Variants in RBFOX1 observed in about 807,000 individuals in gnomAD.
RBFOX1 encodes RNA binding protein fox-1 homolog 1.
A neutral mutation model predicts 57.7 loss-of-function variants in RBFOX1; 8 were observed. The ratio of observed to expected loss-of-function variants is 0.14; its 90% confidence interval spans 0.08 to 0.25. RBFOX1 has a LOEUF of 0.25. RBFOX1 is among the 10% of genes least tolerant of loss of function. The pLI, the probability that RBFOX1 is intolerant of heterozygous loss-of-function variation, is 1.00. For missense variants in RBFOX1, 611 were observed against 548.5 expected (o/e 1.11, Z -1.14); for synonymous variants, 326 against 222.4 (o/e 1.47, Z -4.15).
intron 4 of RBFOX1, among the ~76,000 whole-genome samples, chr16:7,262,860 T>C (rs2094972556): frequency 6.6e-6 from 1 of 152,244 alleles, no homozygotes; most frequent in African/African-American, 2.4e-5. Context: ...GGATCATAGA[T>C]AGGACAAGAG....
At chr16:6,881,527 C>T (rs2062930683) in intron 3 of RBFOX1, among the ~76,000 whole-genome samples, 1 of 152,286 alleles carries the variant, frequency 6.6e-6, no homozygotes, top group African/African-American at 2.4e-5. Context: ...CATCTTCCGT[C>T]TATGCATGTC....
rs77964958 is a variant in RBFOX1, at chr16:6,686,645, C to T, written c.-16+31995C>T. The stretch of plus-strand genomic sequence containing the variant: ...TCCCCCGAAAGCACAGGTATCTCTC[C>T]TTGTCCTTTTGAGACACAAAGGTAA... On this transcript the variant is annotated intron_variant, in intron 3 of 15. Transcript: ENST00000550418. 5.0e-3 allele frequency among the ~76,000 whole-genome samples: 759 copies of T among 152,232 alleles called. 8 individuals are homozygous for T. The highest frequency in any genetic ancestry group is 0.017 in the African/African-American group (720 of 41,540).
At chr16:6,497,426 T>A (rs943121665) in intron 2 of RBFOX1, among the ~76,000 whole-genome samples, 1 of 152,160 alleles carries the variant, frequency 6.6e-6, no homozygotes. Flanking sequence ...TAGTCACTTC[T>A]CAAGGCCCAG....
At chr16:6,331,547 A>T (rs801997) in intron 2 of RBFOX1, among the ~76,000 whole-genome samples, 1 of 148,124 alleles carries the variant, frequency 6.8e-6, no homozygotes, top group African/African-American at 2.5e-5. Context: ...CTCTCTCTCT[A>T]TATATATATA....
chr16:6,568,032 G>C (rs565591711), intron 2 of RBFOX1, among the ~76,000 whole-genome samples: 2 of 152,206 alleles, frequency 1.3e-5, no homozygotes, highest in African/African-American at 2.4e-5. Context: ...ATGTTGAACA[G>C]GCTGGCCTTG....
chr16:6,411,190 C>T lies in RBFOX1; in HGVS notation c.-64+94133C>T, dbSNP rs574626217. Among the ~76,000 whole-genome samples the T allele has an allele frequency of 2.8e-4, 43 of 152,214 alleles. 1 individual carries two copies. The South Asian group carries it at 4.8e-3, about 17-fold the overall frequency. ...TAGAGGTGGAGTCTTGCAAAGTGGT[C>T]CAAGTTGGTCTTGAACCCCTGGGGC... On this transcript the variant is annotated intron_variant, in intron 2 of 15. Coordinates refer to ENST00000550418, the MANE Select transcript of RBFOX1 (RefSeq NM_018723.4).
intron 2 of RBFOX1, among the ~76,000 whole-genome samples, chr16:6,450,801 G>GTATA (rs1186562440): frequency 0.023 from 371 of 16,442 alleles, 32 homozygotes; most frequent in African/African-American, 0.083. Context: ...ATATATATAT[G>GTATA]TATATATATA....
intron 3 of RBFOX1, among the ~76,000 whole-genome samples, chr16:6,992,542 C>G (rs1248274573): frequency 6.6e-6 from 1 of 151,978 alleles, no homozygotes; most frequent in Non-Finnish European, 1.5e-5. Context: ...CTTGTTCATC[C>G]CTTCCAAGGT....
At chr16:7,004,139 A>G (rs1365993860) in intron 3 of RBFOX1, 1 of 152,106 alleles carries the variant, frequency 6.6e-6, no homozygotes, top group African/African-American at 2.4e-5. Flanking sequence ...TTTGTACTTA[A>G]TAGAGCATCT....
intron 2 of RBFOX1, among the ~76,000 whole-genome samples, chr16:6,582,192 T>G (rs2097545735): frequency 6.6e-6 from 1 of 152,208 alleles, no homozygotes. Context: ...ATAGTAAAAA[T>G]TTCCAAAGAA....
chr16:6,543,402 C>A (rs1187153796), intron 2 of RBFOX1, among the ~76,000 whole-genome samples: 3 of 152,096 alleles, frequency 2.0e-5, no homozygotes, highest in African/African-American at 7.2e-5. Context: ...TGAGACTCTG[C>A]GCACCTTTAT....
At chr16:6,454,203 C>G (rs915445558) in intron 2 of RBFOX1, among the ~76,000 whole-genome samples, 22 of 152,286 alleles carry the variant, frequency 1.4e-4, no homozygotes, top group African/African-American at 5.3e-4. Context: ...GGGGTTAAGG[C>G]TTCAATATAT....
At chr16:7,499,120 G>A (rs2069733225) in intron 4 of RBFOX1, among the ~76,000 whole-genome samples, 1 of 152,148 alleles carries the variant, frequency 6.6e-6, no homozygotes, top group Non-Finnish European at 1.5e-5. Flanking sequence ...AAATTTACTG[G>A]CTCACAGTTC....
chr16:7,176,236 T>TTTTTTTTTTTTTTTTG (rs1555534123), intron 4 of RBFOX1, among the ~76,000 whole-genome samples: 2 of 150,714 alleles, frequency 1.3e-5, no homozygotes, highest in African/African-American at 4.9e-5. Flanking sequence ...TCTTGGTTCT[T>TTTTTTTTTTTTTTTTG]AAAATCATGG....
rs1312626033 is a variant in RBFOX1 at position 5,436,389 on chromosome 16, C to T, written c.220-30827C>T. Among the ~76,000 whole-genome samples the T allele has an allele frequency of 3.9e-5, 6 of 152,220 alleles. No individual in the cohort carries two copies. The East Asian group carries it at 7.7e-4, about 20-fold the overall frequency. ...AGAAAACCACCATCACTCTGCATGG[C>T]TGAGTGATTTACACTCATACAAAGC... is the stretch of plus-strand genomic sequence containing the variant. On this transcript the variant is annotated intron_variant, in intron 1 of 2. Coordinates refer to the RBFOX1 transcript ENST00000585867.
chr16:5,718,733 C>T (rs970915736), intron 3 of RBFOX1, among the ~76,000 whole-genome samples: 1 of 152,090 alleles, frequency 6.6e-6, no homozygotes, highest in Non-Finnish European at 1.5e-5. Context: ...ATGGTGGAAT[C>T]CCATCTCTAA....
At chr16:6,333,145 T>A (rs915849724) in intron 2 of RBFOX1, among the ~76,000 whole-genome samples, 1 of 152,152 alleles carries the variant, frequency 6.6e-6, no homozygotes, top group Non-Finnish European at 1.5e-5. Context: ...GCTCAAGCAA[T>A]TCTCCTGACT....
intron 2 of RBFOX1, among the ~76,000 whole-genome samples, chr16:6,607,538 C>G (rs902409903): frequency 6.7e-6 from 1 of 149,744 alleles, no homozygotes; most frequent in African/African-American, 2.5e-5. Flanking sequence ...TCCTCTCCCT[C>G]TTTCTTCCTC....
Position 5,440,188 on chromosome 16 carries a change from T to G in RBFOX1, c.220-27028T>G, listed in dbSNP as rs528094602. ...AGCATTGTGCAAATGCAGTTTCTAT[T>G]CACACCGCCATAACATTTGGGCCTC... On this transcript the variant is annotated intron_variant, in intron 1 of 2. Transcript: ENST00000585867. 2.0e-5 allele frequency among the ~76,000 whole-genome samples: 3 copies of G among 152,354 alleles called. No homozygotes were observed. The South Asian group carries it at 6.2e-4, about 32-fold the overall frequency.
Sources: gnomAD v4.1 joint callset for allele counts (sites outside exome capture counted in the v4.1 genomes callset) on GRCh38, gnomAD v4.1.1 for gene constraint, MANE v1.5 for transcripts, NCBI Gene and HGNC (gene_info 2026-07-23, HGNC 2026-07-21) for gene names.